The following CSMD2 variants were observed in gnomAD, a reference collection of about 807,000 sequenced individuals.
CSMD2 encodes the protein CUB and sushi domain-containing protein 2.
Under a neutral mutation model 398.5 loss-of-function variants are expected in CSMD2, and 130 were observed. The observed-to-expected ratio is 0.33, with a 90% confidence interval of 0.28 to 0.38. The LOEUF (loss-of-function observed/expected upper bound fraction) is 0.38, where lower values mean the gene tolerates loss of function less well. CSMD2 is among the 10% of genes least tolerant of loss of function. The probability of loss-of-function intolerance (pLI) is 1.00; values close to 1 mark genes in which losing one functional copy is unlikely to be tolerated. For synonymous variants in CSMD2, 1,828 were observed against 1,908.5 expected (o/e 0.96, Z 1.10); for missense variants, 3,829 against 4,764.9 (o/e 0.80, Z 5.78).
chr1:33,947,004 G>C (rs1009609239), intron 3 of CSMD2, among the ~76,000 whole-genome samples: 1 of 152,144 alleles, frequency 6.6e-6, no homozygotes, highest in Non-Finnish European at 1.5e-5. Context: ...GGCTTTGGGA[G>C]GTTTATGGCC....
rs183938447 is a variant in CSMD2 at position 33,896,174 on chromosome 1, A to G, written c.920+21920T>C. 3.0e-3 allele frequency among the ~76,000 whole-genome samples: 452 copies of G among 152,286 alleles called. 3 individuals carry two copies. Among genetic ancestry groups the G allele is most frequent in the African/African-American group, 0.011 (437 of 41,550 alleles). ...TGAATTCATGCTCATCAGAAAACCA[A>G]TGAATCATCCTAACTTCATTATCAG... On this transcript the variant is annotated intron_variant, in intron 5 of 70. Coordinates refer to ENST00000373381, the MANE Select transcript of CSMD2 (RefSeq NM_001281956.2).
chr1:33,566,566 C>A (rs1240544188), intron 53 of CSMD2, among the ~76,000 whole-genome samples: 1 of 151,998 alleles, frequency 6.6e-6, no homozygotes, highest in Admixed American at 6.6e-5. Flanking sequence ...AAGAATCACA[C>A]CTAAGAGAAG....
At chr1:33,793,454 C>A (rs985067683) in intron 10 of CSMD2, among the ~76,000 whole-genome samples, 1 of 152,122 alleles carries the variant, frequency 6.6e-6, no homozygotes, top group African/African-American at 2.4e-5. Flanking sequence ...AACATACCTG[C>A]TAGCTGCCTG....
At position 33,743,346 on chromosome 1, in the gene CSMD2, C is replaced by T. The variant is rs764236355; in HGVS notation, c.2107G>A (p.Val703Met). ...LPSSITSSGH[V>M]ARLEFQTDHS... ...TCAGTCTGGAACTCGAGACGGGCCACGTGGCCACTGCTTGTGATGGAGGAG... is the reference window on the plus strand; with the variant it reads ...TCAGTCTGGAACTCGAGACGGGCCATGTGGCCACTGCTTGTGATGGAGGAG... The change falls in exon 14 of 71, where the codon GTG (valine) becomes ATG (methionine). Residue 703 changes from valine to methionine, a missense_variant. By Grantham distance (21) the Val-to-Met change is conservative (BLOSUM62 1). This residue lies in a region of CSMD2 where 2,001 missense variants were observed against 2,567.1 expected (regional missense o/e 0.78). Coordinates refer to ENST00000373381, the MANE Select transcript of CSMD2 (RefSeq NM_001281956.2). 2.1e-5 allele frequency: 34 copies of T among 1,614,002 alleles called. No individual in the cohort carries two copies. Among genetic ancestry groups the T allele is most frequent in the African/African-American group, 6.7e-5 (5 of 74,928 alleles).
chr1:33,593,519 A>C (rs1041940210), intron 44 of CSMD2, among the ~76,000 whole-genome samples: 1 of 152,144 alleles, frequency 6.6e-6, no homozygotes, highest in Non-Finnish European at 1.5e-5. Flanking sequence ...TTGTGCAGGG[A>C]AACTCCCATT....
intron 1 of CSMD2, among the ~76,000 whole-genome samples, chr1:34,122,996 T>A (rs1214720211): frequency 6.6e-6 from 1 of 152,168 alleles, no homozygotes; most frequent in Non-Finnish European, 1.5e-5. Flanking sequence ...GGTGCTAAGG[T>A]CATCCCCATA....
intron 36 of CSMD2, among the ~76,000 whole-genome samples, chr1:33,622,730 C>A (rs1330251615): frequency 1.3e-5 from 2 of 152,210 alleles, no homozygotes; most frequent in Admixed American, 6.5e-5. Context: ...GTCAGAAGTC[C>A]ATTACTAGAA....
chr1:33,561,622 C>T (rs537815932), intron 53 of CSMD2, among the ~76,000 whole-genome samples: 89 of 152,270 alleles, frequency 5.8e-4, no homozygotes, highest in African/African-American at 1.9e-3. Flanking sequence ...GGCAGGGAAG[C>T]GGCTGTTAAA....
At chr1:33,588,284 T>G (rs544882963) in intron 44 of CSMD2, among the ~76,000 whole-genome samples, 1 of 152,364 alleles carries the variant, frequency 6.6e-6, no homozygotes, top group Non-Finnish European at 1.5e-5. Flanking sequence ...TTTACTAGAA[T>G]GTATTTAACA....
chr1:34,094,067 A>G (rs1417849697), intron 1 of CSMD2, among the ~76,000 whole-genome samples: 1 of 152,242 alleles, frequency 6.6e-6, no homozygotes, highest in Non-Finnish European at 1.5e-5. Context: ...CTCTCGGCAG[A>G]AACCCTACAA....
chr1:33,668,553 G>A (rs956848454), intron 25 of CSMD2, among the ~76,000 whole-genome samples: 2 of 152,104 alleles, frequency 1.3e-5, no homozygotes, highest in African/African-American at 2.4e-5. Flanking sequence ...AGTTCTGATC[G>A]ACAGAGATAA....
chr1:34,075,352 T>C (rs917571226), intron 2 of CSMD2, among the ~76,000 whole-genome samples: 3 of 152,240 alleles, frequency 2.0e-5, no homozygotes, highest in African/African-American at 7.2e-5. Context: ...AAGGCACACC[T>C]TTTAAGGAAT....
intron 5 of CSMD2, among the ~76,000 whole-genome samples, chr1:33,855,143 T>G (rs191731754): frequency 2.6e-4 from 39 of 152,316 alleles, no homozygotes; most frequent in Admixed American, 1.6e-3. Flanking sequence ...TTTTCTGAGT[T>G]GCCCACTCCG....
At chr1:34,021,430 C>T (rs961723453) in intron 3 of CSMD2, among the ~76,000 whole-genome samples, 2 of 152,142 alleles carry the variant, frequency 1.3e-5, no homozygotes, top group Admixed American at 6.5e-5. Context: ...TCTATCCACA[C>T]GGGAGAAATC....
At chr1:34,068,640 G>T (rs1000567045) in intron 2 of CSMD2, among the ~76,000 whole-genome samples, 1 of 152,138 alleles carries the variant, frequency 6.6e-6, no homozygotes, top group Admixed American at 6.5e-5. Flanking sequence ...TCCCATTCCA[G>T]TGTGTAACTG....
intron 2 of CSMD2, among the ~76,000 whole-genome samples, chr1:34,055,622 T>C (rs569958407): frequency 4.6e-5 from 7 of 152,170 alleles, no homozygotes; most frequent in Non-Finnish European, 1.0e-4. Context: ...GAACACCAGA[T>C]GAAGAGATGG....
At chr1:33,705,638 GT>G (rs528300351) in intron 22 of CSMD2, among the ~76,000 whole-genome samples, 30 of 148,264 alleles carry the variant, frequency 2.0e-4, no homozygotes, top group African/African-American at 3.0e-4. Flanking sequence ...AATGGTCATT[GT>G]TTTTTTTTCA....
intron 53 of CSMD2, among the ~76,000 whole-genome samples, chr1:33,563,360 A>T (rs1381123858): frequency 6.6e-6 from 1 of 152,106 alleles, no homozygotes; most frequent in African/African-American, 2.4e-5. Flanking sequence ...GGAGGGATTA[A>T]CCATGGGCTG....
intron 13 of CSMD2, among the ~76,000 whole-genome samples, chr1:33,764,497 G>T (rs1650235883): frequency 6.6e-6 from 1 of 152,212 alleles, no homozygotes; most frequent in Non-Finnish European, 1.5e-5. Context: ...GGTCTTCAGT[G>T]TTCAGGTTCT....
Sources: gnomAD v4.1 joint callset for allele counts (sites outside exome capture counted in the v4.1 genomes callset) on GRCh38, gnomAD v4.1.1 for gene constraint, gnomAD v4.1.1 regional missense constraint, MANE v1.5 for transcripts, NCBI Gene and HGNC (gene_info 2026-07-23, HGNC 2026-07-21) for gene names.